The following CACNA1C variants were observed in gnomAD, a reference collection of about 807,000 sequenced individuals.
CACNA1C encodes voltage-dependent L-type calcium channel subunit alpha-1C.
In CACNA1C, 30 loss-of-function variants were observed where a neutral mutation model predicts 229.0. That is an observed-to-expected ratio of 0.13 (90% CI 0.10 to 0.18). The LOEUF (loss-of-function observed/expected upper bound fraction) is 0.18, where lower values mean the gene tolerates loss of function less well. CACNA1C is among the 10% of genes least tolerant of loss of function. CACNA1C has a pLI of 1.00. For synonymous variants in CACNA1C, 1,114 were observed against 1,132.5 expected (o/e 0.98, Z 0.33); for missense variants, 1,658 against 2,845.0 (o/e 0.58, Z 9.49).
At chr12:2,071,025 TCCTC>T in intron 1 of CACNA1C, among the ~76,000 whole-genome samples, 1 of 129,180 alleles carries the variant, frequency 7.7e-6, no homozygotes, top group East Asian at 2.6e-4. Context: ...CTTCCTTCCT[TCCTC>T]CTTCCTTCCC....
chr12:2,574,729 C>G (rs1340447250), intron 13 of CACNA1C, among the ~76,000 whole-genome samples: 1 of 152,246 alleles, frequency 6.6e-6, no homozygotes, highest in Admixed American at 6.5e-5. Context: ...CCATCACCTT[C>G]TAGCCCCCAC....
chr12:2,175,488 T>C (rs1030853330), intron 3 of CACNA1C, among the ~76,000 whole-genome samples: 2 of 152,130 alleles, frequency 1.3e-5, no homozygotes, highest in African/African-American at 4.8e-5. Flanking sequence ...GTTCCGTTTG[T>C]TTTGAAGGGA....
intron 9 of CACNA1C, among the ~76,000 whole-genome samples, chr12:2,542,346 G>A (rs535142320): frequency 6.0e-4 from 91 of 152,314 alleles, no homozygotes; most frequent in African/African-American, 2.1e-3. Flanking sequence ...TTCACTACTT[G>A]GAGACTTGCT....
chr12:2,503,228 A>G (rs2099764540), intron 7 of CACNA1C, among the ~76,000 whole-genome samples: 1 of 152,056 alleles, frequency 6.6e-6, no homozygotes, highest in South Asian at 2.1e-4. Flanking sequence ...GCATTTCTGA[A>G]CAGGTCCCCA....
At chr12:2,104,051 G>C (rs2077329619) in intron 1 of CACNA1C, among the ~76,000 whole-genome samples, 1 of 152,182 alleles carries the variant, frequency 6.6e-6, no homozygotes, top group Admixed American at 6.5e-5. Context: ...GATTGTCTTG[G>C]CTATGCGGGC....
At chr12:1,990,082 C>T (rs2038964637) in intron 1 of CACNA1C, among the ~76,000 whole-genome samples, 1 of 152,166 alleles carries the variant, frequency 6.6e-6, no homozygotes, top group South Asian at 2.1e-4. Flanking sequence ...CCTTGGGTCT[C>T]GAAGTTAAGG....
At chr12:2,200,083 G>T (rs965891073) in intron 3 of CACNA1C, among the ~76,000 whole-genome samples, 1 of 152,164 alleles carries the variant, frequency 6.6e-6, no homozygotes. Flanking sequence ...ACTGAGCAGT[G>T]CCTGCACATG....
At chr12:2,529,122 A>T (rs1260582870) in intron 9 of CACNA1C, among the ~76,000 whole-genome samples, 2 of 152,254 alleles carry the variant, frequency 1.3e-5, no homozygotes, top group East Asian at 3.8e-4. Flanking sequence ...ATGTTTTAAA[A>T]TCAACTAGAA....
chr12:2,191,316 G>C (rs2154297550), intron 3 of CACNA1C, among the ~76,000 whole-genome samples: 3 of 152,254 alleles, frequency 2.0e-5, no homozygotes, highest in Admixed American at 2.0e-4. Context: ...GTGGCTCTGG[G>C]CTTGGTCCTT....
At chr12:2,522,883 G>A (rs2099812623) in intron 9 of CACNA1C, among the ~76,000 whole-genome samples, 2 of 152,088 alleles carry the variant, frequency 1.3e-5, no homozygotes, top group South Asian at 2.1e-4. Flanking sequence ...AGTGAGGCTC[G>A]GAAAAGTTAA....
At chr12:1,976,285 A>C (rs2034333836) in intron 1 of CACNA1C, among the ~76,000 whole-genome samples, 1 of 152,220 alleles carries the variant, frequency 6.6e-6, no homozygotes. Flanking sequence ...TAAATAGATC[A>C]ATTTTTCAGT....
intron 3 of CACNA1C, among the ~76,000 whole-genome samples, chr12:2,231,222 T>C (rs2065020222): frequency 6.6e-6 from 1 of 152,240 alleles, no homozygotes; most frequent in Non-Finnish European, 1.5e-5. Flanking sequence ...CCAGAGTCCA[T>C]GTGCAATCCA....
rs116907196 is a variant in CACNA1C at position 2,617,725 on chromosome 12, T to C, written c.3828+5712T>C. ...GGATGTGGCTCAAATGGAAGGGTCA[T>C]CACCAGCTGCCTTGTTTTCACTGGG... On this transcript the variant is annotated intron_variant, in intron 29 of 46. Transcript: ENST00000399655. Among the ~76,000 whole-genome samples the C allele has an allele frequency of 7.7e-4, 118 of 152,314 alleles. 1 individual carries two copies. The East Asian group carries it at 0.022, about 29-fold the overall frequency.
chr12:2,501,877 G>A, intron 7 of CACNA1C, among the ~76,000 whole-genome samples: 1 of 152,226 alleles, frequency 6.6e-6, no homozygotes, highest in East Asian at 1.9e-4. Context: ...GGATATTTTA[G>A]TAGTTCAGCC....
At chr12:2,365,774 C>G (rs554719318) in intron 3 of CACNA1C, among the ~76,000 whole-genome samples, 2 of 152,276 alleles carry the variant, frequency 1.3e-5, no homozygotes, top group South Asian at 4.1e-4. Context: ...AATATGCCAA[C>G]AAGTTTGAAA....
intron 9 of CACNA1C, among the ~76,000 whole-genome samples, chr12:2,536,572 T>C (rs909183562): frequency 1.3e-5 from 2 of 152,198 alleles, no homozygotes; most frequent in African/African-American, 4.8e-5. Context: ...CTCATGCCTG[T>C]AATCCCAACA....
chr12:2,137,168 A>G (rs142724996), intron 3 of CACNA1C, among the ~76,000 whole-genome samples: 1 of 151,476 alleles, frequency 6.6e-6, no homozygotes, highest in East Asian at 1.9e-4. Flanking sequence ...TCGAAGAGCT[A>G]CGGCCTGAAC....
chr12:2,584,184 G>A lies in CACNA1C; in HGVS notation c.2225-319G>A, dbSNP rs78229499. On this transcript the variant is annotated intron_variant, in intron 15 of 46. Coordinates refer to ENST00000399655, the MANE Select transcript of CACNA1C (RefSeq NM_000719.7). Reference sequence around the variant, plus strand: ...AATGCTGTTTATAATGTCAATTACAGCCAGTCATCTCAGCAGGGAAAGCAA... The same window carrying A: ...AATGCTGTTTATAATGTCAATTACAACCAGTCATCTCAGCAGGGAAAGCAA... Among the ~76,000 whole-genome samples, 7 of 152,332 alleles carry A rather than the reference G, an allele frequency of 4.6e-5. No homozygotes were observed. The East Asian group carries it at 1.4e-3, about 29-fold the overall frequency.
At chr12:2,417,458 C>T (rs2154555138) in intron 3 of CACNA1C, among the ~76,000 whole-genome samples, 1 of 152,278 alleles carries the variant, frequency 6.6e-6, no homozygotes, top group African/African-American at 2.4e-5. Flanking sequence ...CCGCTGTTTA[C>T]CTTGTCTCTG....
Sources: allele counts gnomAD v4.1 joint callset (sites outside exome capture counted in the v4.1 genomes callset), GRCh38; gene constraint gnomAD v4.1.1; transcripts MANE v1.5; gene names NCBI Gene and HGNC (gene_info 2026-07-23, HGNC 2026-07-21).